FER: variants seen among roughly 807,000 people sequenced by gnomAD.
FER encodes the protein FER tyrosine kinase.
Under a neutral mutation model 111.0 loss-of-function variants are expected in FER, and 63 were observed. The ratio of observed to expected loss-of-function variants is 0.57; its 90% CI spans 0.46 to 0.70. The LOEUF (loss-of-function observed/expected upper bound fraction) is 0.70, where lower values mean the gene tolerates loss of function less well. Among genes scored for constraint, FER ranks in the 30% least tolerant of loss-of-function variants. The probability of loss-of-function intolerance (pLI) is 0.00; values close to 1 mark genes in which losing one functional copy is unlikely to be tolerated. For synonymous variants in FER, 327 were observed against 313.9 expected, an observed-to-expected ratio of 1.04 and a Z score of -0.44; for missense variants, 914 against 954.0, an observed-to-expected ratio of 0.96 and a Z score of 0.55.
chr5:109,055,851 CAA>C (rs373320956), intron 16 of FER, among the ~76,000 whole-genome samples: 45 of 92,484 alleles, frequency 4.9e-4, no homozygotes, highest in African/African-American at 1.4e-3. Context: ...AACATTGTCT[CAA>C]AAAAAAAAAA....
In FER at chr5:108,982,292, C is replaced by G. The variant is rs2149724228; in HGVS notation, c.1656+22945C>G. Among the ~76,000 whole-genome samples, 2 of 152,120 alleles carry G rather than the reference C, an allele frequency of 1.3e-5. 1 individual carries two copies. ...GGAGCCTGTAAGTTATTGTTATGAC[C>G]TTATCTTTGTAATTTAGATGGAGAA... On this transcript the variant is annotated intron_variant, in intron 13 of 19. Transcript: ENST00000281092.
chr5:108,825,564 G>A (rs1484725822), intron 3 of FER, among the ~76,000 whole-genome samples: 2 of 152,114 alleles, frequency 1.3e-5, no homozygotes, highest in Non-Finnish European at 2.9e-5. Context: ...TGTGCAATTT[G>A]TGTAGTTAAC....
chr5:108,817,725 A>G (rs1489536573), intron 3 of FER, among the ~76,000 whole-genome samples: 1 of 152,206 alleles, frequency 6.6e-6, no homozygotes, highest in Non-Finnish European at 1.5e-5. Flanking sequence ...ATACTGATTT[A>G]CCTCACTACA....
intron 11 of FER, among the ~76,000 whole-genome samples, chr5:108,947,405 A>ATT (rs1757130722): frequency 6.6e-6 from 1 of 152,012 alleles, no homozygotes; most frequent in Admixed American, 6.6e-5. Context: ...GTGGGCGTGA[A>ATT]GTAGTATCTT....
chr5:108,873,787 C>T (rs62360783), intron 8 of FER, among the ~76,000 whole-genome samples: 34,290 of 151,986 alleles, frequency 0.23, 4,065 homozygotes, highest in African/African-American at 0.28. Flanking sequence ...AGACATTAGC[C>T]GTAGATGCTG....
chr5:108,994,285 T>C (rs958575189), intron 13 of FER, among the ~76,000 whole-genome samples: 5 of 152,252 alleles, frequency 3.3e-5, no homozygotes, highest in African/African-American at 1.2e-4. Context: ...TTAATTTTTG[T>C]ATAAGGTATA....
intron 13 of FER, among the ~76,000 whole-genome samples, chr5:108,972,648 T>G (rs72789326): frequency 0.11 from 17,206 of 152,234 alleles, 1,080 homozygotes; most frequent in Middle Eastern, 0.16. Flanking sequence ...TCTCAGAGTC[T>G]TACGTGTAAT....
At chr5:109,025,151 G>C (rs930378538) in intron 13 of FER, among the ~76,000 whole-genome samples, 40 of 152,064 alleles carry the variant, frequency 2.6e-4, no homozygotes, top group African/African-American at 8.7e-4. Context: ...TTCCAATTCT[G>C]TGAAGAAAGT....
At chr5:108,846,798 T>C (rs1021847739) in intron 5 of FER, among the ~76,000 whole-genome samples, 55 of 152,122 alleles carry the variant, frequency 3.6e-4, no homozygotes, top group Admixed American at 9.2e-4. Context: ...TTAGCCATGA[T>C]GGTCTCGATC....
intron 10 of FER, among the ~76,000 whole-genome samples, chr5:108,938,477 G>T (rs1013700727): frequency 5.3e-5 from 8 of 152,062 alleles, no homozygotes; most frequent in African/African-American, 1.7e-4. Context: ...TGTGATACTC[G>T]GTAACAGTGT....
At chr5:109,164,421 C>A (rs1346057842) in intron 17 of FER, among the ~76,000 whole-genome samples, 1 of 152,100 alleles carries the variant, frequency 6.6e-6, no homozygotes, top group African/African-American at 2.4e-5. Flanking sequence ...TCCTCTGGTC[C>A]TTGTTTAATA....
intron 3 of FER, among the ~76,000 whole-genome samples, chr5:108,799,115 C>A (rs1756357798): frequency 6.6e-6 from 1 of 152,086 alleles, no homozygotes; most frequent in Admixed American, 6.5e-5. Flanking sequence ...CATTTCAGTA[C>A]AAAAATATTA....
chr5:109,011,116 T>A (rs73211590), intron 13 of FER, among the ~76,000 whole-genome samples: 8,408 of 152,238 alleles, frequency 0.055, 530 homozygotes, highest in African/African-American at 0.15. Flanking sequence ...GCATGTTTTT[T>A]AAATGTGTTA....
Position 109,188,656 on chromosome 5 carries a change from A to ATATTC in FER, c.*1086_*1090dup, listed in dbSNP as rs913158289. The ATATTC allele has an allele frequency of 1.1e-4, 16 of 152,176 alleles. No individual in the cohort carries two copies. Among genetic ancestry groups the ATATTC allele is most frequent in the Non-Finnish European group, 2.1e-4 (14 of 68,030 alleles). The allele number at this position is 152,176 out of a possible 1,614,324, so 9.4% of individuals were successfully genotyped here. ...CTATTCTAAAAACACATAATAATAC[A>ATATTC]TATTCTATTTTATGGTCTGAATTTA... is the stretch of plus-strand genomic sequence containing the variant. On this transcript the variant is annotated 3_prime_UTR_variant, in exon 20 of 20. Coordinates refer to ENST00000281092, the MANE Select transcript of FER (RefSeq NM_005246.4).
chr5:109,083,789 C>G (rs1777256659), intron 16 of FER, among the ~76,000 whole-genome samples: 1 of 151,944 alleles, frequency 6.6e-6, no homozygotes, highest in Admixed American at 6.6e-5. Context: ...TGCTTACTGC[C>G]TGCTGTAAAA....
chr5:108,940,315 G>A (rs1756084771), intron 10 of FER, among the ~76,000 whole-genome samples: 1 of 151,950 alleles, frequency 6.6e-6, no homozygotes, highest in Non-Finnish European at 1.5e-5. Flanking sequence ...TATAAATAAA[G>A]GAAAGTAAAA....
intron 16 of FER, among the ~76,000 whole-genome samples, chr5:109,082,580 A>T (rs972634757): frequency 6.6e-6 from 1 of 151,998 alleles, no homozygotes; most frequent in East Asian, 1.9e-4. Context: ...AACATACGAA[A>T]GACAAACTTT....
At chr5:108,857,198 A>G (rs1561521486) in intron 5 of FER, among the ~76,000 whole-genome samples, 1 of 152,136 alleles carries the variant, frequency 6.6e-6, no homozygotes, top group East Asian at 1.9e-4. Flanking sequence ...GTAAATGTAT[A>G]TTTATTCAGT....
intron 13 of FER, among the ~76,000 whole-genome samples, chr5:108,999,393 A>G (rs1472878451): frequency 6.6e-6 from 1 of 152,092 alleles, no homozygotes; most frequent in East Asian, 1.9e-4. Flanking sequence ...TTTAATTTTT[A>G]AATAGATTTT....
Sources: gnomAD v4.1 joint callset for allele counts (sites outside exome capture counted in the v4.1 genomes callset) on GRCh38, gnomAD v4.1.1 for gene constraint, MANE v1.5 for transcripts, NCBI Gene and HGNC (gene_info 2026-07-23, HGNC 2026-07-21) for gene names.